FAS: variants seen among roughly 807,000 people sequenced by gnomAD.
FAS encodes the protein Fas cell surface death receptor, also known as tumor necrosis factor receptor superfamily member 6.
A neutral mutation model predicts 33.2 loss-of-function variants in FAS; 5 were observed. The ratio of observed to expected loss-of-function variants is 0.15; its 90% CI spans 0.08 to 0.32. The LOEUF (loss-of-function observed/expected upper bound fraction) is 0.32, where lower values mean the gene tolerates loss of function less well. Ranked by LOEUF, FAS falls within the 10% of genes least tolerant of loss-of-function variation. The pLI, the probability that FAS is intolerant of heterozygous loss-of-function variation, is 1.00. For missense variants in FAS, 339 were observed against 386.0 expected, an observed-to-expected ratio of 0.88 and a Z score of 1.02; for synonymous variants, 131 against 130.7, an observed-to-expected ratio of 1.00 and a Z score of -0.01.
At chr10:88,978,980 A>C (rs1328671444) in intron 2 of FAS, among the ~76,000 whole-genome samples, 2 of 151,856 alleles carry the variant, frequency 1.3e-5, no homozygotes, top group Admixed American at 6.6e-5. Flanking sequence ...TTTTCTATGA[A>C]TTACCTCCTT....
At chr10:89,008,213 G>T (rs572362915) in intron 3 of FAS, among the ~76,000 whole-genome samples, 26 of 152,288 alleles carry the variant, frequency 1.7e-4, no homozygotes, top group Non-Finnish European at 2.8e-4. Context: ...AATCCAAAAG[G>T]TAGGTAGGAA....
At chr10:88,999,168 TAAATAAAATA>T (rs879586985) in intron 1 of FAS, among the ~76,000 whole-genome samples, 2,324 of 67,832 alleles carry the variant, frequency 0.034, 66 homozygotes, top group African/African-American at 0.093. Context: ...AATAAATAAA[TAAATAAAATA>T]AAATAAAATA....
intron 2 of FAS, among the ~76,000 whole-genome samples, chr10:88,977,893 TAC>T (rs1318221328): frequency 6.1e-5 from 5 of 81,580 alleles, no homozygotes; most frequent in African/African-American, 1.9e-4. Flanking sequence ...GCCATCCCAT[TAC>T]TGGGTATATA....
intron 8 of FAS, among the ~76,000 whole-genome samples, 153 bp downstream of exon 8, chr10:89,013,520 A>G (rs1848633652): frequency 6.6e-6 from 1 of 152,190 alleles, no homozygotes; most frequent in Non-Finnish European, 1.5e-5. Context: ...AGCATTTATC[A>G]GGCAGTTTGT....
At chr10:88,987,433 CT>C, upstream of FAS, among the ~76,000 whole-genome samples, 1 of 152,334 alleles carries the variant, frequency 6.6e-6, no homozygotes, top group East Asian at 1.9e-4. Context: ...GCATCCAGAA[CT>C]TGGATAGCTC....
intron 1 of FAS, among the ~76,000 whole-genome samples, chr10:88,966,520 T>C (rs893192443): frequency 4.6e-5 from 7 of 152,176 alleles, no homozygotes; most frequent in African/African-American, 1.7e-4. Context: ...AAAATATAAA[T>C]AGGCAGTATA....
In FAS at chr10:89,016,497, G is replaced by T. The variant is rs1848810414; in HGVS notation, c.*2047G>T. On this transcript the variant is annotated 3_prime_UTR_variant, in exon 9 of 9. Coordinates refer to ENST00000652046, the MANE Select transcript of FAS (RefSeq NM_000043.6). ...TTAGAGAACACCCTATTCCACTTTGGTGAACTCAGAGCAAGAACTTTGAGT... is the reference window on the plus strand; with the variant it reads ...TTAGAGAACACCCTATTCCACTTTGTTGAACTCAGAGCAAGAACTTTGAGT... 1 of 225,822 alleles carries T rather than the reference G, an allele frequency of 4.4e-6. No individual in the cohort carries two copies. Among genetic ancestry groups the T allele is most frequent in the Non-Finnish European group, 8.8e-6 (1 of 113,426 alleles). The allele number at this position is 225,822 out of a possible 1,614,324, so 14.0% of individuals were successfully genotyped here.
At chr10:88,999,966 C>T (rs1192682162) in intron 1 of FAS, among the ~76,000 whole-genome samples, 1 of 152,112 alleles carries the variant, frequency 6.6e-6, no homozygotes, top group African/African-American at 2.4e-5. Context: ...ACTGAGCTTT[C>T]AATTTCAAAA....
chr10:88,990,746 A>C, upstream of FAS: 1 of 1,085,364 alleles, frequency 9.2e-7, no homozygotes, highest in Non-Finnish European at 1.4e-6. The surrounding 1 kb of genome is among the most constrained non-coding windows in gnomAD (Gnocchi z 4.9). Context: ...AGGGGCGGGC[A>C]CTGGCACGGA....
chr10:88,984,734 G>A (rs114113557), upstream of FAS, among the ~76,000 whole-genome samples: 1,591 of 151,846 alleles, frequency 0.01, 29 homozygotes, highest in African/African-American at 0.033. Flanking sequence ...CATATAGGAA[G>A]AGACAGAGTG....
chr10:89,012,061 G>A lies in FAS; in HGVS notation c.631G>A (p.Glu211Lys). The A allele has an allele frequency of 1.2e-6, 2 of 1,613,732 alleles. No individual in the cohort carries two copies. Among genetic ancestry groups the A allele is most frequent in the Non-Finnish European group, 1.7e-6 (2 of 1,179,672 alleles). Residue 211 changes from glutamate to lysine, a missense_variant, in exon 7 of 9, where the codon GAA (glutamate) becomes AAA (lysine). Physicochemically the swap from Glu to Lys is moderately conservative, Grantham distance 56 (BLOSUM62 1). This residue lies in a region of FAS where 276 missense variants were observed against 300.1 expected (regional missense o/e 0.92). Coordinates refer to ENST00000652046, the MANE Select transcript of FAS (RefSeq NM_000043.6). Reference sequence around the variant, plus strand: ...CAGAAAGGAAAACCAAGGTTCTCATGAATCTCCAACTTTAAATCCTGTAGG... The same window carrying A: ...CAGAAAGGAAAACCAAGGTTCTCATAAATCTCCAACTTTAAATCCTGTAGG... ...KHRKENQGSH[E>K]SPTLNPETVA...
chr10:88,985,224 G>C (rs1846840175), upstream of FAS, among the ~76,000 whole-genome samples: 1 of 152,190 alleles, frequency 6.6e-6, no homozygotes, highest in South Asian at 2.1e-4. Context: ...ATTATGCACA[G>C]CTTCTCACAT....
At chr10:88,970,895 G>GTATATA (rs1462787126) in intron 1 of FAS, among the ~76,000 whole-genome samples, 4 of 143,996 alleles carry the variant, frequency 2.8e-5, no homozygotes, top group African/African-American at 7.9e-5. Flanking sequence ...GTGTGTGTGT[G>GTATATA]TGTATATATA....
chr10:88,992,001 G>A (rs1401960107), intron 1 of FAS, among the ~76,000 whole-genome samples: 1 of 152,196 alleles, frequency 6.6e-6, no homozygotes, highest in East Asian at 1.9e-4. Context: ...TCTCACGAGA[G>A]CCATGTAGTG....
At chr10:89,011,487 G>A (rs1238747984) in intron 6 of FAS, among the ~76,000 whole-genome samples, 2 of 152,184 alleles carry the variant, frequency 1.3e-5, no homozygotes, top group Non-Finnish European at 2.9e-5. Context: ...GCCTTTAGCG[G>A]TTGTTTAGCT....
intron 1 of FAS, among the ~76,000 whole-genome samples, chr10:88,969,272 A>G (rs1846379521): frequency 6.6e-6 from 1 of 152,140 alleles, no homozygotes; most frequent in Non-Finnish European, 1.5e-5. Flanking sequence ...TTCATTTCCC[A>G]AAAAAAGCTC....
chr10:88,997,210 C>T (rs1344336082), intron 1 of FAS, among the ~76,000 whole-genome samples: 1 of 152,224 alleles, frequency 6.6e-6, no homozygotes, highest in East Asian at 1.9e-4. Flanking sequence ...CTTCCCCATT[C>T]TCAGAGATCC....
chr10:88,989,468 G>A, upstream of FAS: 1 of 542,490 alleles, frequency 1.8e-6, no homozygotes. Context: ...GTGTCTATTA[G>A]ATGCTCAGAG....
chr10:88,998,516 T>C (rs982003972), intron 1 of FAS, among the ~76,000 whole-genome samples: 1 of 152,172 alleles, frequency 6.6e-6, no homozygotes, highest in Non-Finnish European at 1.5e-5. Context: ...ATTAACACCA[T>C]TTTAACTTAA....
Sources: gnomAD v4.1 joint callset for allele counts (sites outside exome capture counted in the v4.1 genomes callset) on GRCh38, gnomAD v4.1.1 for gene constraint, gnomAD v4.1.1 regional missense constraint, Gnocchi (gnomAD v3.1) non-coding constraint, MANE v1.5 for transcripts, NCBI Gene and HGNC (gene_info 2026-07-23, HGNC 2026-07-21) for gene names.